OPCML: variants seen among roughly 807,000 people sequenced by gnomAD.
The protein encoded by OPCML is opioid-binding protein/cell adhesion molecule.
OPCML carries 13 observed loss-of-function variants against 37.8 expected under a neutral mutation model. The ratio of observed to expected loss-of-function variants is 0.34; its 90% CI spans 0.22 to 0.55. The LOEUF (loss-of-function observed/expected upper bound fraction) is 0.55, where lower values mean the gene tolerates loss of function less well. Ranked by LOEUF, OPCML falls within the 20% of genes least tolerant of loss-of-function variation. OPCML has a pLI of 0.91. For missense variants in OPCML, 341 were observed against 435.6 expected, an observed-to-expected ratio of 0.78 and a Z score of 1.93; for synonymous variants, 176 against 168.8, an observed-to-expected ratio of 1.04 and a Z score of -0.33.
At chr11:132,730,128 T>C (rs1945027415) in intron 2 of OPCML, among the ~76,000 whole-genome samples, 1 of 148,048 alleles carries the variant, frequency 6.8e-6, no homozygotes, top group African/African-American at 2.5e-5. Context: ...ATTATCTGCC[T>C]CAGCCTCCCG....
chr11:132,450,016 GCT>G (rs1159588265), intron 4 of OPCML, among the ~76,000 whole-genome samples: 1 of 152,156 alleles, frequency 6.6e-6, no homozygotes, highest in East Asian at 1.9e-4. Context: ...ACCTGCGCTG[GCT>G]CTGGTTCTGG....
At chr11:132,773,133 C>A (rs183270158) in intron 2 of OPCML, 1 of 152,298 alleles carries the variant, frequency 6.6e-6, no homozygotes, top group East Asian at 1.9e-4. Context: ...CATCTGATGA[C>A]ACATCCTCTT....
At chr11:133,480,034 A>G (rs1266645532) in intron 1 of OPCML, among the ~76,000 whole-genome samples, 1 of 152,156 alleles carries the variant, frequency 6.6e-6, no homozygotes, top group Non-Finnish European at 1.5e-5. Context: ...AACTTAACCA[A>G]TTTCTGCACA....
chr11:133,152,666 G>A (rs1427208377), intron 1 of OPCML, among the ~76,000 whole-genome samples: 1 of 152,092 alleles, frequency 6.6e-6, no homozygotes, highest in Non-Finnish European at 1.5e-5. Context: ...GCTAATGCAG[G>A]TAAATTGTAA....
chr11:132,420,951 C>T (rs961517271), intron 7 of OPCML, among the ~76,000 whole-genome samples: 1 of 151,406 alleles, frequency 6.6e-6, no homozygotes, highest in African/African-American at 2.4e-5. Context: ...CTGAAGATTC[C>T]ACCCAAGGGG....
intron 1 of OPCML, among the ~76,000 whole-genome samples, chr11:132,994,377 G>A (rs1325250118): frequency 1.3e-5 from 2 of 152,202 alleles, no homozygotes; most frequent in African/African-American, 4.8e-5. Flanking sequence ...ACACGGAGGA[G>A]GAGCCTAGGA....
chr11:132,657,012 T>C, intron 3 of OPCML, 75 bp downstream of exon 3: 2 of 1,565,974 alleles, frequency 1.3e-6, no homozygotes, highest in Non-Finnish European at 1.7e-6. Context: ...CGCACACAGG[T>C]AGAACAAACA....
chr11:132,988,420 C>T (rs780542910), intron 1 of OPCML, among the ~76,000 whole-genome samples: 10 of 152,090 alleles, frequency 6.6e-5, no homozygotes, highest in African/African-American at 1.4e-4. Context: ...AAGGGAAGTA[C>T]GGAAAGAAAG....
chr11:133,050,720 CTTT>C (rs71038515), intron 1 of OPCML, among the ~76,000 whole-genome samples: 76 of 144,056 alleles, frequency 5.3e-4, no homozygotes, highest in Non-Finnish European at 7.3e-4. Flanking sequence ...CTTCTTCTTC[CTTT>C]TTTTTTTTTT....
intron 1 of OPCML, among the ~76,000 whole-genome samples, chr11:132,966,894 AT>A (rs957881676): frequency 1.3e-5 from 2 of 151,992 alleles, no homozygotes; most frequent in African/African-American, 2.4e-5. Context: ...TGGAATATAT[AT>A]TTTTATTTTT....
chr11:132,917,495 C>G (rs918732574), intron 2 of OPCML, among the ~76,000 whole-genome samples: 8 of 152,152 alleles, frequency 5.3e-5, no homozygotes, highest in Admixed American at 2.0e-4. Flanking sequence ...CTGAAGAGAT[C>G]CCAGACAGAT....
chr11:132,973,983 T>A (rs1946402894), intron 1 of OPCML, among the ~76,000 whole-genome samples: 1 of 151,878 alleles, frequency 6.6e-6, no homozygotes, highest in South Asian at 2.1e-4. Context: ...GCCTGCCCCT[T>A]ACCAAGCACA....
intron 1 of OPCML, among the ~76,000 whole-genome samples, chr11:133,494,518 A>G (rs889584827): frequency 2.0e-5 from 3 of 147,952 alleles, no homozygotes; most frequent in African/African-American, 5.2e-5. Flanking sequence ...TGGCACATAT[A>G]CACCATGGAA....
intron 1 of OPCML, among the ~76,000 whole-genome samples, chr11:133,179,459 C>G (rs934457670): frequency 4.6e-5 from 7 of 152,090 alleles, no homozygotes; most frequent in African/African-American, 1.7e-4. Context: ...AGACTCCTCA[C>G]CACTCTACAG....
chr11:133,208,794 T>G lies in OPCML; in HGVS notation c.62-265784A>C, dbSNP rs1219882322. On this transcript the variant is annotated intron_variant, in intron 1 of 7. Transcript: ENST00000524381. The surrounding 1 kb of genome is among the most constrained non-coding windows in gnomAD (Gnocchi z 8.9). The stretch of plus-strand genomic sequence containing the variant: ...TCTAGGACCAAAGGGATACACCAAG[T>G]GCTGGAGTGAAGATATAAGACTTCA... Among the ~76,000 whole-genome samples the G allele has an allele frequency of 6.6e-6, 1 of 152,146 alleles. No homozygotes were observed. The highest frequency in any genetic ancestry group is 1.5e-5 in the Non-Finnish European group (1 of 68,028).
intron 1 of OPCML, among the ~76,000 whole-genome samples, chr11:133,046,040 T>G (rs773905466): frequency 6.6e-6 from 1 of 152,160 alleles, no homozygotes; most frequent in African/African-American, 2.4e-5. Flanking sequence ...TCTGCCCTCA[T>G]GAGTTGCGAC....
intron 1 of OPCML, among the ~76,000 whole-genome samples, chr11:133,049,610 T>C (rs1009909116): frequency 6.6e-6 from 1 of 152,184 alleles, no homozygotes. Flanking sequence ...ATTCATGAAA[T>C]TGCATGTAAA....
chr11:132,529,150 G>A lies in OPCML; in HGVS notation c.416C>T (p.Thr139Ile). 1.9e-6 allele frequency: 3 copies of A among 1,612,984 alleles called. No homozygotes were observed. The highest frequency in any genetic ancestry group is 1.3e-5 in the African/African-American group (1 of 75,010). ...PQIMNISSDI[T>I]VNEGSSVTLL... ...GGTCACACTGCTTCCCTCATTCACA[G>A]TGATGTCTGAGGAGATATTCATGAT... Residue 139 changes from threonine to isoleucine, a missense_variant, in exon 4 of 8, where the codon ACT becomes ATT. Physicochemically the swap from Thr to Ile is moderately conservative, Grantham distance 89. Transcript: ENST00000524381.
chr11:133,459,545 A>G (rs1946811354), intron 1 of OPCML, among the ~76,000 whole-genome samples: 1 of 152,210 alleles, frequency 6.6e-6, no homozygotes, highest in East Asian at 1.9e-4. Context: ...TTCTATGCAA[A>G]TAGTAACCAA....
Sources: gnomAD v4.1 joint callset for allele counts (sites outside exome capture counted in the v4.1 genomes callset) on GRCh38, gnomAD v4.1.1 for gene constraint, Gnocchi (gnomAD v3.1) non-coding constraint, MANE v1.5 for transcripts, NCBI Gene and HGNC (gene_info 2026-07-23, HGNC 2026-07-21) for gene names.